RIC8B: variants seen among roughly 807,000 people sequenced by gnomAD.
RIC8B encodes RIC8 guanine nucleotide exchange factor B, also known as chaperone Ric-8B.
Under a neutral mutation model 57.5 loss-of-function variants are expected in RIC8B, and 16 were observed. The ratio of observed to expected loss-of-function variants is 0.28; its 90% CI spans 0.19 to 0.42. The LOEUF (loss-of-function observed/expected upper bound fraction) is 0.42, where lower values mean the gene tolerates loss of function less well. Among genes scored for constraint, RIC8B ranks in the 10% least tolerant of loss-of-function variants. The pLI is 1.00. For missense variants in RIC8B, 481 were observed against 677.0 expected, an observed-to-expected ratio of 0.71 and a Z score of 3.21; for synonymous variants, 216 against 250.8, an observed-to-expected ratio of 0.86 and a Z score of 1.31.
chr12:106,792,712 G>A (rs778206621), intron 2 of RIC8B, among the ~76,000 whole-genome samples: 1 of 152,186 alleles, frequency 6.6e-6, no homozygotes, highest in Non-Finnish European at 1.5e-5. Flanking sequence ...CTTGAGGAGA[G>A]AGGATTGCTT....
At chr12:106,837,891 C>T (rs1184432131) in intron 4 of RIC8B, among the ~76,000 whole-genome samples, 1 of 150,366 alleles carries the variant, frequency 6.7e-6, no homozygotes, top group Non-Finnish European at 1.5e-5. Flanking sequence ...ATCCACCCAC[C>T]TCAGCCTCCT....
rs1294264067 is a variant in RIC8B at position 106,887,017 on chromosome 12, AAAG to A, written c.*1005_*1007del. The A allele has an allele frequency of 2.0e-5, 3 of 152,608 alleles. No individual in the cohort carries two copies. Among genetic ancestry groups the A allele is most frequent in the African/African-American group, 4.8e-5 (2 of 41,438 alleles). The allele number at this position is 152,608 out of a possible 1,614,324, so 9.5% of individuals were successfully genotyped here. On this transcript the variant is annotated 3_prime_UTR_variant, in exon 10 of 10. Coordinates refer to ENST00000392837, the MANE Select transcript of RIC8B (RefSeq NM_001330145.2). ...AATAGTAACTTTATTTATTTAAAAA[AAAG>A]AAACACAATTAGTTACTGTTAAACT...
chr12:106,861,956 A>G (rs918826857), intron 8 of RIC8B, among the ~76,000 whole-genome samples: 12 of 152,242 alleles, frequency 7.9e-5, no homozygotes, highest in African/African-American at 2.2e-4. Flanking sequence ...GATAACTTCT[A>G]TAATGGTAAT....
At chr12:106,878,135 A>G (rs960371042) in intron 9 of RIC8B, among the ~76,000 whole-genome samples, 2 of 152,156 alleles carry the variant, frequency 1.3e-5, no homozygotes, top group African/African-American at 4.8e-5. Flanking sequence ...CAAATTTGCT[A>G]TGGAAAAGCT....
rs755560208 is a variant in RIC8B, at chr12:106,815,132, C to T, written c.569C>T (p.Pro190Leu). The part of the protein sequence containing the change: ...SQLRYELQGL[P>L]LLTQILESAF... ...TTGCGCTATGAGCTCCAGGGACTAC[C>T]GCTGCTAACGCAGATCTTGGAAAGT... Residue 190 changes from proline to leucine, a missense_variant, in exon 3 of 10, where the codon CCG (proline) becomes CTG (leucine). Physicochemically the swap from Pro to Leu is moderately conservative, Grantham distance 98. Coordinates refer to ENST00000392837, the MANE Select transcript of RIC8B (RefSeq NM_001330145.2). 15 of 1,614,092 alleles carry T rather than the reference C, an allele frequency of 9.3e-6. No homozygotes were observed. Among genetic ancestry groups the T allele is most frequent in the African/African-American group, 4.0e-5 (3 of 74,946 alleles).
chr12:106,835,732 A>G (rs528173071), intron 4 of RIC8B, among the ~76,000 whole-genome samples: 1 of 152,380 alleles, frequency 6.6e-6, no homozygotes, highest in East Asian at 1.9e-4. Context: ...GGTTTGAGCT[A>G]GTCTTAAAGA....
chr12:106,880,363 TCA>T (rs1453540642), intron 9 of RIC8B, among the ~76,000 whole-genome samples: 1 of 152,106 alleles, frequency 6.6e-6, no homozygotes, highest in Non-Finnish European at 1.5e-5. Flanking sequence ...TTTAAATAGA[TCA>T]AAATTATTTC....
chr12:106,785,166 GCTTATTT>G (rs1402039242), intron 2 of RIC8B, among the ~76,000 whole-genome samples: 2 of 152,156 alleles, frequency 1.3e-5, no homozygotes, highest in African/African-American at 4.8e-5. Context: ...TACTTTCGCA[GCTTATTT>G]CTTTTCTCTC....
At chr12:106,849,063 G>T (rs1376223456) in intron 6 of RIC8B, among the ~76,000 whole-genome samples, 1 of 151,960 alleles carries the variant, frequency 6.6e-6, no homozygotes, top group Admixed American at 6.6e-5. Flanking sequence ...GTATTTGATA[G>T]CACAACAGGG....
At chr12:106,786,438 C>T (rs911518632) in intron 2 of RIC8B, among the ~76,000 whole-genome samples, 14 of 152,074 alleles carry the variant, frequency 9.2e-5, no homozygotes, top group African/African-American at 1.4e-4. Context: ...CGTGAGCCAC[C>T]GCACCTGGCC....
At chr12:106,818,432 A>G (rs1300185062) in intron 3 of RIC8B, among the ~76,000 whole-genome samples, 1 of 151,734 alleles carries the variant, frequency 6.6e-6, no homozygotes. Flanking sequence ...CCAAAGTGCT[A>G]GGATTACAGG....
chr12:106,880,127 T>C (rs1950855717), intron 9 of RIC8B, among the ~76,000 whole-genome samples: 1 of 152,158 alleles, frequency 6.6e-6, no homozygotes, highest in Non-Finnish European at 1.5e-5. Flanking sequence ...TTGAGGGCCA[T>C]GATTGAATTT....
intron 2 of RIC8B, chr12:106,798,206 G>A (rs181501863): frequency 1.2e-5 from 6 of 498,804 alleles, no homozygotes; most frequent in East Asian, 3.3e-5. Context: ...TCCTTTTCTC[G>A]GTAGCTGGCT....
chr12:106,826,626 C>G lies in RIC8B; in HGVS notation c.836+806C>G, dbSNP rs1449272501. On this transcript the variant is annotated intron_variant, in intron 4 of 9. Coordinates refer to ENST00000392837, the MANE Select transcript of RIC8B (RefSeq NM_001330145.2). ...AAAAAAGTAGCTGGGCATGGTGGCACATGCCTGTAATCCTAGCTACTCGGG... is the reference window on the plus strand; with the variant it reads ...AAAAAAGTAGCTGGGCATGGTGGCAGATGCCTGTAATCCTAGCTACTCGGG... Among the ~76,000 whole-genome samples the G allele has an allele frequency of 3.3e-5, 5 of 152,096 alleles. 1 individual carries two copies. The highest frequency in any genetic ancestry group is 9.7e-5 in the African/African-American group (4 of 41,426).
At chr12:106,802,534 ATTT>A (rs34706345) in intron 2 of RIC8B, among the ~76,000 whole-genome samples, 73 of 102,152 alleles carry the variant, frequency 7.1e-4, no homozygotes, top group South Asian at 3.3e-3. Context: ...CAATATGAGA[ATTT>A]TTTTTTTTTT....
At chr12:106,817,247 A>C (rs779097547) in intron 3 of RIC8B, among the ~76,000 whole-genome samples, 1 of 152,138 alleles carries the variant, frequency 6.6e-6, no homozygotes, top group Admixed American at 6.5e-5. Flanking sequence ...ATGAAACTTC[A>C]GTTTTTTTAG....
At chr12:106,793,376 G>A (rs1197592424) in intron 2 of RIC8B, among the ~76,000 whole-genome samples, 1 of 152,198 alleles carries the variant, frequency 6.6e-6, no homozygotes, top group African/African-American at 2.4e-5. Flanking sequence ...GACTTCATTT[G>A]CACAGAATAT....
At chr12:106,874,956 C>T (rs1481325005) in intron 9 of RIC8B, among the ~76,000 whole-genome samples, 1 of 152,052 alleles carries the variant, frequency 6.6e-6, no homozygotes, top group African/African-American at 2.4e-5. Context: ...TAGTACAGTG[C>T]CTTGTACCCT....
intron 9 of RIC8B, among the ~76,000 whole-genome samples, chr12:106,882,060 T>G (rs1250666150): frequency 6.6e-6 from 1 of 152,198 alleles, no homozygotes; most frequent in Non-Finnish European, 1.5e-5. Flanking sequence ...GTGTGTGTGT[T>G]TTCTGAACTG....
Sources: gnomAD v4.1 joint callset for allele counts (sites outside exome capture counted in the v4.1 genomes callset) on GRCh38, gnomAD v4.1.1 for gene constraint, MANE v1.5 for transcripts, NCBI Gene and HGNC (gene_info 2026-07-23, HGNC 2026-07-21) for gene names.